KCNK5: variants seen among roughly 807,000 people sequenced by gnomAD.
The protein encoded by KCNK5 is potassium two pore domain channel subfamily K member 5, also known as potassium channel subfamily K member 5.
KCNK5 carries 18 observed loss-of-function variants against 32.9 expected under a neutral mutation model. The ratio of observed to expected loss-of-function variants is 0.55; its 90% CI spans 0.38 to 0.81. The LOEUF is 0.81. Among genes scored for constraint, KCNK5 ranks in the 30% least tolerant of loss-of-function variants. The probability of loss-of-function intolerance (pLI) is 0.00; values close to 1 mark genes in which losing one functional copy is unlikely to be tolerated. For missense variants in KCNK5, 507 were observed against 651.0 expected (o/e 0.78, Z 2.41); for synonymous variants, 276 against 275.3 (o/e 1.00, Z -0.03).
At chr6:39,228,630 T>C (rs576939074) in intron 1 of KCNK5, among the ~76,000 whole-genome samples, 1 of 152,002 alleles carries the variant, frequency 6.6e-6, no homozygotes, top group South Asian at 2.1e-4. Flanking sequence ...AGGAGGGAGG[T>C]ACCGTCACAC....
At chr6:39,192,870 TG>T (rs1254175754) in intron 4 of KCNK5, among the ~76,000 whole-genome samples, 3 of 152,202 alleles carry the variant, frequency 2.0e-5, no homozygotes, top group Non-Finnish European at 4.4e-5. Context: ...AGAAGGGACC[TG>T]GAGGAAGGGG....
intron 2 of KCNK5, among the ~76,000 whole-genome samples, chr6:39,195,060 CTGTGTAGA>C (rs1182510033): frequency 1.3e-5 from 2 of 152,150 alleles, no homozygotes; most frequent in Admixed American, 1.3e-4. Context: ...GACATGCTCT[CTGTGTAGA>C]TTCCCCAGAA....
intron 1 of KCNK5, among the ~76,000 whole-genome samples, chr6:39,228,373 C>T (rs187422892): frequency 2.1e-3 from 324 of 152,316 alleles, no homozygotes; most frequent in African/African-American, 7.5e-3. Flanking sequence ...GGTTCGGGCC[C>T]CACAGAGCCT....
At chr6:39,220,163 A>C (rs1276125108) in intron 1 of KCNK5, among the ~76,000 whole-genome samples, 1 of 152,132 alleles carries the variant, frequency 6.6e-6, no homozygotes, top group African/African-American at 2.4e-5. Flanking sequence ...TACACCGTTG[A>C]ACAAAGGGGG....
Position 39,194,641 on chromosome 6 carries a change from G to A in KCNK5, c.418C>T (p.Arg140Cys), listed in dbSNP as rs199498902. ...AGGAACTGCCCTAGTCTCTTGGCAC[G>A]TCCCCCGAAGAACTTGCCCAGGGCA... is the stretch of plus-strand genomic sequence containing the variant. ...ISALGKFFGG[R>C]AKRLGQFLTK... The change falls in exon 3 of 5, where the codon CGT (arginine) becomes TGT (cysteine). Residue 140 changes from arginine to cysteine, a missense_variant. Arg to Cys is a radical substitution (Grantham distance 180). Transcript: ENST00000359534. The surrounding 1 kb of genome is among the most constrained non-coding windows in gnomAD (Gnocchi z 4.7). 2.4e-4 allele frequency: 385 copies of A among 1,614,078 alleles called. No individual in the cohort carries two copies. Among genetic ancestry groups the A allele is most frequent in the Middle Eastern group, 2.3e-3 (14 of 6,062 alleles).
intron 1 of KCNK5, among the ~76,000 whole-genome samples, chr6:39,222,954 T>C (rs1771581964): frequency 6.6e-6 from 1 of 152,218 alleles, no homozygotes; most frequent in Non-Finnish European, 1.5e-5. Context: ...TGGAGATCTG[T>C]TTCATAATGG....
In KCNK5 at chr6:39,191,293, C is replaced by T; in HGVS notation, c.1097G>A (p.Gly366Asp). ...CTCATCTGGGGACCTTGATACGTGG[C>T]CTTTGCTCCTCAGTGTCTGTGACAC... is the stretch of plus-strand genomic sequence containing the variant. ...EEVSQTLRSK[G>D]HVSRSPDEEA... The change falls in exon 5 of 5, where the codon GGC becomes GAC. Residue 366 changes from glycine to aspartate, a missense_variant. Gly to Asp is a moderately conservative substitution (Grantham distance 94). Around this residue, in one of 6 missense-constraint regions of KCNK5, gnomAD observed 252 missense variants for 250.8 expected, o/e 1.00. Coordinates refer to ENST00000359534, the MANE Select transcript of KCNK5 (RefSeq NM_003740.4). This position sits in a 1 kb window ranked among gnomAD's most constrained non-coding sequence, Gnocchi z 5.8. 1 of 1,614,066 alleles carries T rather than the reference C, an allele frequency of 6.2e-7. No homozygotes were observed. The highest frequency in any genetic ancestry group is 1.1e-5 in the South Asian group (1 of 91,084).
intron 1 of KCNK5, among the ~76,000 whole-genome samples, chr6:39,212,693 G>A (rs1771363346): frequency 6.6e-6 from 1 of 152,118 alleles, no homozygotes. Context: ...ACCTTTGTGT[G>A]GGAAATGGAT....
chr6:39,229,285 G>T lies in KCNK5; in HGVS notation c.-174C>A. 2.7e-6 allele frequency: 2 copies of T among 732,964 alleles called. No homozygotes were observed. The highest frequency in any genetic ancestry group is 4.4e-6 in the Non-Finnish European group (2 of 459,362). The allele number at this position is 732,964 out of a possible 1,614,324, so 45.4% of individuals were successfully genotyped here. A position where few individuals can be genotyped will look rare whatever the true frequency, so the allele number is the denominator to read the frequency against. The stretch of plus-strand genomic sequence containing the variant: ...CCGGACAGAGTTGCTTGGCCAAGTT[G>T]GCCCACGGAGTGCGGGGAGCTGCGT... On this transcript the variant is annotated 5_prime_UTR_variant, in exon 1 of 5. Transcript: ENST00000359534.
Position 39,189,362 on chromosome 6 carries a change from C to G in KCNK5, c.*1528G>C, listed in dbSNP as rs1770879228. On this transcript the variant is annotated 3_prime_UTR_variant, in exon 5 of 5. Coordinates refer to ENST00000359534, the MANE Select transcript of KCNK5 (RefSeq NM_003740.4). ...CCTGCTTTTGCTCACCTCAGTGTCC[C>G]CTTCTCCACCTCTGCTTGGGGACAT... is the stretch of plus-strand genomic sequence containing the variant. The G allele has an allele frequency of 6.6e-6, 1 of 152,488 alleles. No individual in the cohort carries two copies. Among genetic ancestry groups the G allele is most frequent in the African/African-American group, 2.4e-5 (1 of 41,428 alleles). The allele number at this position is 152,488 out of a possible 1,614,324, so 9.4% of individuals were successfully genotyped here.
At chr6:39,211,587 G>A (rs903692027) in intron 1 of KCNK5, among the ~76,000 whole-genome samples, 3 of 152,208 alleles carry the variant, frequency 2.0e-5, no homozygotes, top group South Asian at 2.1e-4. Flanking sequence ...CTGTATTTGC[G>A]CAGTCCCCAC....
chr6:39,201,710 T>C (rs952018503), intron 1 of KCNK5, among the ~76,000 whole-genome samples: 9 of 152,166 alleles, frequency 5.9e-5, no homozygotes, highest in Admixed American at 4.6e-4. Flanking sequence ...CCAGCAACCT[T>C]GTAAGGGGTG....
At position 39,195,954 on chromosome 6, in the gene KCNK5, TGG is replaced by T; in HGVS notation, c.218_219del (p.Ala73AspfsTer113). The T allele has an allele frequency of 6.2e-7, 1 of 1,613,858 alleles. No individual in the cohort carries two copies. The highest frequency in any genetic ancestry group is 1.1e-5 in the South Asian group (1 of 91,010). On this transcript the variant is annotated frameshift_variant, in exon 2 of 5. Coordinates refer to ENST00000359534, the MANE Select transcript of KCNK5 (RefSeq NM_003740.4). LOFTEE classifies it high-confidence loss of function. ...TTGTTGAAGGTCTGGTTCCCTGTGA[TGG>T]CCACACCCTGTCCTGCAGCATCAGA... is the stretch of plus-strand genomic sequence containing the variant. The part of the protein sequence containing the change: ...VVSDAAGQGV[A>X]ITGNQTFNNW...
At chr6:39,228,868 C>G in intron 1 of KCNK5, 58 bp downstream of exon 1, 1 of 1,551,174 alleles carries the variant, frequency 6.4e-7, no homozygotes, top group Non-Finnish European at 8.9e-7. Context: ...TTCCTTTCAG[C>G]GCCCCCTAAA....
intron 1 of KCNK5, among the ~76,000 whole-genome samples, chr6:39,206,323 CTA>C (rs1446609359): frequency 1.3e-5 from 2 of 152,238 alleles, no homozygotes; most frequent in Non-Finnish European, 2.9e-5. Context: ...TCTGACCTGA[CTA>C]TATGAGTTAG....
intron 1 of KCNK5, among the ~76,000 whole-genome samples, chr6:39,207,690 C>A (rs1771254651): frequency 6.6e-6 from 1 of 152,098 alleles, no homozygotes; most frequent in Non-Finnish European, 1.5e-5. Flanking sequence ...TGTTTGAAGG[C>A]CTGATGGCCC....
intron 2 of KCNK5, among the ~76,000 whole-genome samples, chr6:39,195,311 C>T (rs1253172264): frequency 1.3e-5 from 2 of 152,216 alleles, no homozygotes; most frequent in Admixed American, 6.5e-5. Flanking sequence ...TTTTCATCCC[C>T]AGCTGAGCTC....
At position 39,190,088 on chromosome 6, in the gene KCNK5, C is replaced by G. The variant is rs970678324; in HGVS notation, c.*802G>C. The G allele has an allele frequency of 1.3e-5, 2 of 152,714 alleles. No individual in the cohort carries two copies. Among genetic ancestry groups the G allele is most frequent in the African/African-American group, 2.4e-5 (1 of 41,568 alleles). The allele number at this position is 152,714 out of a possible 1,614,324, so 9.5% of individuals were successfully genotyped here. A position where few individuals can be genotyped will look rare whatever the true frequency, so the allele number is the denominator to read the frequency against. On this transcript the variant is annotated 3_prime_UTR_variant, in exon 5 of 5. Coordinates refer to ENST00000359534, the MANE Select transcript of KCNK5 (RefSeq NM_003740.4). Reference sequence around the variant, plus strand: ...CCCTGGCCACCAGCCCTAGCAGTCCCGGCTTCCAGTAACCCATGCTCTGCT... The same window carrying G: ...CCCTGGCCACCAGCCCTAGCAGTCCGGGCTTCCAGTAACCCATGCTCTGCT...
chr6:39,211,004 G>A (rs1226597421), intron 1 of KCNK5, among the ~76,000 whole-genome samples: 3 of 151,882 alleles, frequency 2.0e-5, no homozygotes, highest in Non-Finnish European at 2.9e-5. Context: ...TTCCTGGCCC[G>A]GGACCCCCAC....
Sources: gnomAD v4.1 joint callset for allele counts (sites outside exome capture counted in the v4.1 genomes callset) on GRCh38, gnomAD v4.1.1 for gene constraint, gnomAD v4.1.1 regional missense constraint, Gnocchi (gnomAD v3.1) non-coding constraint, MANE v1.5 for transcripts, NCBI Gene and HGNC (gene_info 2026-07-23, HGNC 2026-07-21) for gene names.